The following PDE11A variants were observed in gnomAD, a reference collection of about 807,000 sequenced individuals.
PDE11A encodes phosphodiesterase 11A, also known as dual 3',5'-cyclic-AMP and -GMP phosphodiesterase 11A.
Under a neutral mutation model 100.5 loss-of-function variants are expected in PDE11A, and 100 were observed. The ratio of observed to expected loss-of-function variants is 1.00; its 90% CI spans 0.85 to 1.18. The LOEUF is 1.18. Ranked by LOEUF, PDE11A falls within the 50% of genes most tolerant of loss-of-function variation. PDE11A has a pLI of 0.00. For missense variants in PDE11A, 1,141 were observed against 1,152.6 expected (o/e 0.99, Z 0.15); for synonymous variants, 381 against 420.8 (o/e 0.91, Z 1.16).
chr2:178,055,722 G>A (rs2086891778), intron 1 of PDE11A, among the ~76,000 whole-genome samples: 1 of 151,996 alleles, frequency 6.6e-6, no homozygotes, highest in African/African-American at 2.4e-5. Flanking sequence ...GGTTATCAAA[G>A]ATGACAGCCC....
At chr2:177,991,425 G>A (rs1279195080) in intron 2 of PDE11A, among the ~76,000 whole-genome samples, 1 of 150,954 alleles carries the variant, frequency 6.6e-6, no homozygotes, top group Admixed American at 6.6e-5. Flanking sequence ...CATGAGGTCA[G>A]GAGTTTGAGA....
intron 5 of PDE11A, among the ~76,000 whole-genome samples, chr2:177,854,226 C>T (rs1055085846): frequency 4.6e-5 from 7 of 151,960 alleles, no homozygotes; most frequent in Non-Finnish European, 1.0e-4. Flanking sequence ...CTTTCATTCT[C>T]GTCTGTGACA....
At chr2:177,722,885 TA>T (rs2081550955) in intron 12 of PDE11A, among the ~76,000 whole-genome samples, 2 of 152,170 alleles carry the variant, frequency 1.3e-5, no homozygotes, top group Non-Finnish European at 2.9e-5. Flanking sequence ...AAATACAATG[TA>T]AAAATGATGT....
At chr2:178,000,731 G>A (rs955960382) in intron 2 of PDE11A, among the ~76,000 whole-genome samples, 9 of 152,058 alleles carry the variant, frequency 5.9e-5, no homozygotes, top group Non-Finnish European at 1.0e-4. Flanking sequence ...CAGACACAAA[G>A]CTCAAGTGTG....
intron 1 of PDE11A, among the ~76,000 whole-genome samples, chr2:178,065,230 C>T (rs2087028420): frequency 6.6e-6 from 1 of 152,108 alleles, no homozygotes; most frequent in Non-Finnish European, 1.5e-5. Flanking sequence ...AGCAATGTAC[C>T]TCAAGGACCT....
In PDE11A at chr2:177,629,415, T is replaced by C. The variant is rs1273323715; in HGVS notation, c.2794A>G (p.Arg932Gly). The change falls in exon 20 of 20, where the codon AGG (arginine) becomes GGG (glycine). Residue 932 changes from arginine to glycine, a missense_variant. By Grantham distance (125) the Arg-to-Gly change is moderately radical (BLOSUM62 -2). Transcript: ENST00000286063. ...PASVMVAKEDRN is the reference protein window; with the variant it reads ...PASVMVAKEDGN ...GCAGCTGACCTGGAGGTTTAGTTCC[T>C]GTCTTCCTTGGCTACCATAACACTG... The C allele has an allele frequency of 6.2e-7, 1 of 1,612,526 alleles. No individual in the cohort carries two copies. Among genetic ancestry groups the C allele is most frequent in the African/African-American group, 1.3e-5 (1 of 74,778 alleles).
At chr2:178,030,573 G>A (rs2086532715) in intron 1 of PDE11A, among the ~76,000 whole-genome samples, 1 of 151,322 alleles carries the variant, frequency 6.6e-6, no homozygotes, top group South Asian at 2.1e-4. Flanking sequence ...TCAGACAAGA[G>A]TATTCTAAGA....
At chr2:177,856,598 G>T (rs1424918638) in intron 5 of PDE11A, among the ~76,000 whole-genome samples, 1 of 151,860 alleles carries the variant, frequency 6.6e-6, no homozygotes, top group East Asian at 1.9e-4. Context: ...TAAAGAGAAA[G>T]AAATTATTTA....
In PDE11A at chr2:177,713,987, C is replaced by CTTTTTT. The variant is rs57211363; in HGVS notation, c.2044-2115_2044-2110dup. Among the ~76,000 whole-genome samples the CTTTTTT allele has an allele frequency of 3.5e-3, 268 of 77,388 alleles. 20 individuals carry two copies. Among genetic ancestry groups the CTTTTTT allele is most frequent in the African/African-American group, 3.7e-3 (70 of 18,830 alleles). The allele number at this position is 77,388 out of a possible 152,430, so 50.8% of individuals were successfully genotyped here. A position where few individuals can be genotyped will look rare whatever the true frequency, so the allele number is the denominator to read the frequency against. ...TCCCACCATATTTCTTTTCTTTTTT[C>CTTTTTT]TTTTTTTTTTTTTTTTTTTTTTTTG... On this transcript the variant is annotated intron_variant, in intron 12 of 19. Coordinates refer to ENST00000286063, the MANE Select transcript of PDE11A (RefSeq NM_016953.4).
exon 2 of PDE11A, chr2:178,104,429 T>C (rs780157310): frequency 8.7e-6 from 14 of 1,614,088 alleles, no homozygotes; most frequent in Admixed American, 5.0e-5. Flanking sequence ...ACTGAGCACA[T>C]TTCTGAATAA....
chr2:177,660,683 A>G (rs528034407), intron 19 of PDE11A, among the ~76,000 whole-genome samples: 9 of 152,350 alleles, frequency 5.9e-5, no homozygotes, highest in African/African-American at 1.9e-4. Context: ...GCAGGTGCCA[A>G]TTAGGCACAT....
At chr2:177,818,309 G>A (rs1170051945) in intron 7 of PDE11A, among the ~76,000 whole-genome samples, 1 of 98,826 alleles carries the variant, frequency 1.0e-5, no homozygotes. Flanking sequence ...ATATATATGT[G>A]TGTATATATA....
rs367980828 is a variant in PDE11A, at chr2:178,013,206, C to A, written c.1071+1096G>T. On this transcript the variant is annotated intron_variant, in intron 2 of 19. Coordinates refer to ENST00000286063, the MANE Select transcript of PDE11A (RefSeq NM_016953.4). ...ACTTGCTGATGATTCTTGTCTCCTG[C>A]CTTGTGTAGCTCCTGGATGACATAA... is the stretch of plus-strand genomic sequence containing the variant. 2.5e-4 allele frequency among the ~76,000 whole-genome samples: 38 copies of A among 152,264 alleles called. No individual in the cohort carries two copies. The South Asian group carries it at 5.8e-3, about 23-fold the overall frequency.
chr2:177,789,226 G>A (rs1163539535), intron 9 of PDE11A, among the ~76,000 whole-genome samples: 4 of 152,072 alleles, frequency 2.6e-5, no homozygotes, highest in Non-Finnish European at 4.4e-5. Flanking sequence ...ATGCAAGGCT[G>A]GCTCAATATA....
chr2:177,784,813 C>T (rs2082507612), intron 9 of PDE11A, among the ~76,000 whole-genome samples: 1 of 152,178 alleles, frequency 6.6e-6, no homozygotes, highest in African/African-American at 2.4e-5. Context: ...TCATGTAAGT[C>T]AACTCTACTA....
intron 1 of PDE11A, among the ~76,000 whole-genome samples, chr2:178,066,641 C>G (rs1409847975): frequency 6.6e-6 from 1 of 152,170 alleles, no homozygotes; most frequent in African/African-American, 2.4e-5. Flanking sequence ...TGCCATTGCA[C>G]TCTGCTCTTA....
chr2:177,644,326 A>G (rs1007344685), intron 19 of PDE11A, among the ~76,000 whole-genome samples: 2 of 152,254 alleles, frequency 1.3e-5, no homozygotes, highest in Non-Finnish European at 1.5e-5. Flanking sequence ...TTGCATTAGC[A>G]TAACCTGGAT....
At chr2:178,091,986 C>T (rs1264889725) in intron 2 of PDE11A, among the ~76,000 whole-genome samples, 1 of 152,130 alleles carries the variant, frequency 6.6e-6, no homozygotes, top group Non-Finnish European at 1.5e-5. Flanking sequence ...TATTTTAAGT[C>T]ACCCAAGGTC....
chr2:177,961,678 T>C (rs1266349663), intron 2 of PDE11A, among the ~76,000 whole-genome samples: 3 of 152,196 alleles, frequency 2.0e-5, no homozygotes, highest in Non-Finnish European at 2.9e-5. Flanking sequence ...CATTTTTACT[T>C]ACATTTAATT....
Sources: allele counts gnomAD v4.1 joint callset (sites outside exome capture counted in the v4.1 genomes callset), GRCh38; gene constraint gnomAD v4.1.1; transcripts MANE v1.5; gene names NCBI Gene and HGNC (gene_info 2026-07-23, HGNC 2026-07-21).